The following MYO16 variants were observed in gnomAD, a reference collection of about 807,000 sequenced individuals.
The protein encoded by MYO16 is unconventional myosin-XVI.
MYO16 carries 94 observed loss-of-function variants against 205.3 expected under a neutral mutation model. The observed-to-expected ratio is 0.46, with a 90% CI of 0.39 to 0.54. The LOEUF (loss-of-function observed/expected upper bound fraction) is 0.54, where lower values mean the gene tolerates loss of function less well. Ranked by LOEUF, MYO16 falls within the 20% of genes least tolerant of loss-of-function variation. MYO16 has a pLI of 0.00. For missense variants in MYO16, 2,315 were observed against 2,387.5 expected, an observed-to-expected ratio of 0.97 and a Z score of 0.63; for synonymous variants, 988 against 954.0, an observed-to-expected ratio of 1.04 and a Z score of -0.66.
At chr13:108,908,972 C>CA (rs201906153) in intron 15 of MYO16, among the ~76,000 whole-genome samples, 1,626 of 111,380 alleles carry the variant, frequency 0.015, 43 homozygotes, top group Admixed American at 0.071. Flanking sequence ...GACTGTGTCT[C>CA]AAAAAAAATA....
the MYO16 span, among the ~76,000 whole-genome samples, chr13:108,590,772 G>T: frequency 3.9e-5 from 6 of 152,126 alleles, no homozygotes; most frequent in African/African-American, 9.7e-5. Context: ...ACCAAAGATT[G>T]CCAGCCACCA....
At chr13:108,630,481 G>C (rs866352349) in intron 1 of MYO16, among the ~76,000 whole-genome samples, 3 of 152,156 alleles carry the variant, frequency 2.0e-5, no homozygotes, top group Non-Finnish European at 4.4e-5. Context: ...CTTATCAAGG[G>C]TTTCTTTAGC....
intron 4 of MYO16, among the ~76,000 whole-genome samples, chr13:108,740,083 TTCC>T (rs1190295329): frequency 6.6e-6 from 1 of 152,192 alleles, no homozygotes; most frequent in Non-Finnish European, 1.5e-5. Flanking sequence ...GGGTTGGAAC[TTCC>T]TCCTTTAGCT....
rs189981291 is a variant in MYO16, at chr13:108,927,237, T to A, written c.1925+17087T>A. Among the ~76,000 whole-genome samples, 3 of 152,288 alleles carry A rather than the reference T, an allele frequency of 2.0e-5. No individual in the cohort carries two copies. The East Asian group carries it at 5.8e-4, about 29-fold the overall frequency. On this transcript the variant is annotated intron_variant, in intron 16 of 34. Coordinates refer to ENST00000457511, the MANE Select transcript of MYO16 (RefSeq NM_001198950.3). ...GTGATTCTCCTAAGTGAGATGGTGG[T>A]AAATAATGCATTATATTTGCATTTT...
intron 12 of MYO16, among the ~76,000 whole-genome samples, chr13:108,870,037 A>T (rs7998930): frequency 0.45 from 67,394 of 151,234 alleles, 15,500 homozygotes; most frequent in Non-Finnish European, 0.49. Flanking sequence ...AAACCTTAAG[A>T]ATAAAAATCA....
chr13:108,724,997 A>G (rs1419085136), intron 3 of MYO16, among the ~76,000 whole-genome samples: 2 of 152,122 alleles, frequency 1.3e-5, no homozygotes, highest in Non-Finnish European at 2.9e-5. Flanking sequence ...TTTTTAAAAA[A>G]TCATTTTTCT....
intron 34 of MYO16, among the ~76,000 whole-genome samples, chr13:109,187,793 T>G (rs187305638): frequency 6.6e-6 from 1 of 152,326 alleles, no homozygotes; most frequent in Admixed American, 6.5e-5. Context: ...TGGCTGAAAT[T>G]TCCTTGGGCA....
At chr13:108,671,588 AT>A (rs1881990679) in intron 2 of MYO16, among the ~76,000 whole-genome samples, 1 of 152,230 alleles carries the variant, frequency 6.6e-6, no homozygotes, top group African/African-American at 2.4e-5. Context: ...ATTTGTAACA[AT>A]TATTATAATT....
At chr13:108,630,419 C>T (rs960375299) in intron 1 of MYO16, among the ~76,000 whole-genome samples, 7 of 152,280 alleles carry the variant, frequency 4.6e-5, no homozygotes, top group African/African-American at 1.7e-4. Context: ...CAAATGCTCT[C>T]CACTGATGTT....
chr13:108,865,383 A>G (rs559812003), intron 11 of MYO16, among the ~76,000 whole-genome samples: 2 of 152,250 alleles, frequency 1.3e-5, no homozygotes, highest in East Asian at 3.9e-4. Context: ...TGATTGATTT[A>G]TCATTTTACT....
intron 32 of MYO16, among the ~76,000 whole-genome samples, chr13:109,149,195 G>A (rs771738114): frequency 6.6e-6 from 1 of 152,178 alleles, no homozygotes; most frequent in Non-Finnish European, 1.5e-5. Flanking sequence ...AACCATAGCA[G>A]CGCTTCTAGG....
intron 9 of MYO16, among the ~76,000 whole-genome samples, chr13:108,827,989 G>GTT (rs201250216): frequency 6.6e-6 from 1 of 151,824 alleles, no homozygotes; most frequent in African/African-American, 2.4e-5. Context: ...TGATGAAAGG[G>GTT]TTTTTTTTAC....
chr13:108,960,589 C>T (rs1333736198), intron 17 of MYO16, among the ~76,000 whole-genome samples: 1 of 152,076 alleles, frequency 6.6e-6, no homozygotes, highest in African/African-American at 2.4e-5. Flanking sequence ...ATTTATAAAG[C>T]ACATCAGCAT....
At chr13:108,868,379 T>G (rs1878833176) in intron 12 of MYO16, among the ~76,000 whole-genome samples, 1 of 152,212 alleles carries the variant, frequency 6.6e-6, no homozygotes, top group Non-Finnish European at 1.5e-5. Flanking sequence ...TGACAGACAA[T>G]GAGATTAACC....
At chr13:108,545,267 C>T in the MYO16 span, among the ~76,000 whole-genome samples, 2 of 152,072 alleles carry the variant, frequency 1.3e-5, no homozygotes, top group South Asian at 4.1e-4. Flanking sequence ...TTTTGTTTTT[C>T]GTTCCTTTGT....
At chr13:108,873,262 A>G (rs1879152537) in intron 12 of MYO16, among the ~76,000 whole-genome samples, 1 of 152,270 alleles carries the variant, frequency 6.6e-6, no homozygotes, top group Non-Finnish European at 1.5e-5. Flanking sequence ...ATCTGTAAAG[A>G]TTATAAAGAC....
chr13:109,043,271 C>A (rs1886937128), intron 23 of MYO16, among the ~76,000 whole-genome samples: 1 of 152,062 alleles, frequency 6.6e-6, no homozygotes, highest in African/African-American at 2.4e-5. Context: ...TAGTCATCGC[C>A]CTGAAGACAC....
chr13:108,537,805 T>C, the MYO16 span, among the ~76,000 whole-genome samples: 1 of 152,032 alleles, frequency 6.6e-6, no homozygotes, highest in African/African-American at 2.4e-5. Flanking sequence ...TGTATGTCTT[T>C]TTTTGAGAAA....
the MYO16 span, among the ~76,000 whole-genome samples, chr13:108,531,317 G>A: frequency 6.6e-6 from 1 of 152,214 alleles, no homozygotes; most frequent in African/African-American, 2.4e-5. Context: ...CACTCTGGAG[G>A]AGGAGGAAGA....
Sources: allele counts gnomAD v4.1 joint callset (sites outside exome capture counted in the v4.1 genomes callset), GRCh38; gene constraint gnomAD v4.1.1; transcripts MANE v1.5; gene names NCBI Gene and HGNC (gene_info 2026-07-23, HGNC 2026-07-21).